The following CDC42 variants were observed in gnomAD, a reference collection of about 807,000 sequenced individuals.
CDC42 encodes the protein cell division control protein 42 homolog.
CDC42 carries 1 observed loss-of-function variant against 20.8 expected under a neutral mutation model. The ratio of observed to expected loss-of-function variants is 0.05; its 90% CI spans 0.02 to 0.23. The LOEUF (loss-of-function observed/expected upper bound fraction) is 0.23, where lower values mean the gene tolerates loss of function less well. CDC42 is among the 10% of genes least tolerant of loss of function. The pLI, the probability that CDC42 is intolerant of heterozygous loss-of-function variation, is 1.00. For synonymous variants in CDC42, 72 were observed against 84.8 expected (o/e 0.85, Z 0.83); for missense variants, 49 against 227.9 (o/e 0.21, Z 5.05).
intron 1 of CDC42, among the ~76,000 whole-genome samples, chr1:22,071,107 G>T (rs188264299): frequency 3.4e-4 from 50 of 146,520 alleles, no homozygotes; most frequent in Admixed American, 1.5e-3. Flanking sequence ...GCAGTGGCGC[G>T]GTCTCGGCTC....
chr1:22,071,279 C>G (rs1008962488), intron 1 of CDC42, among the ~76,000 whole-genome samples: 1 of 151,960 alleles, frequency 6.6e-6, no homozygotes, highest in African/African-American at 2.4e-5. Context: ...CTCCTGACCT[C>G]GTGATCCATC....
chr1:22,053,141 C>G (rs987729962), intron 1 of CDC42, among the ~76,000 whole-genome samples: 1 of 151,416 alleles, frequency 6.6e-6, no homozygotes, highest in East Asian at 1.9e-4. Flanking sequence ...CAGAGCGACT[C>G]GCGGGCGCTT....
chr1:22,072,723 C>T (rs957809862), intron 1 of CDC42, among the ~76,000 whole-genome samples: 3 of 152,116 alleles, frequency 2.0e-5, no homozygotes, highest in African/African-American at 4.8e-5. Context: ...ACTTTATTAA[C>T]ATAAATTCAG....
chr1:22,074,873 A>G (rs991976902), intron 1 of CDC42, among the ~76,000 whole-genome samples: 4 of 152,224 alleles, frequency 2.6e-5, no homozygotes, highest in African/African-American at 9.6e-5. Context: ...GCAAAGAACA[A>G]AGGGCCTATT....
intron 1 of CDC42, among the ~76,000 whole-genome samples, chr1:22,077,417 A>C (rs1459989802): frequency 6.6e-6 from 1 of 152,094 alleles, no homozygotes; most frequent in African/African-American, 2.4e-5. Flanking sequence ...GTGCTATAGG[A>C]GCATGGTGGC....
chr1:22,061,157 A>G (rs1645358271), intron 1 of CDC42, among the ~76,000 whole-genome samples: 1 of 152,214 alleles, frequency 6.6e-6, no homozygotes, highest in Admixed American at 6.5e-5. Flanking sequence ...CTGTAATCCC[A>G]GCACTTTGGG....
At chr1:22,070,681 G>A (rs1645477689) in intron 1 of CDC42, among the ~76,000 whole-genome samples, 1 of 151,784 alleles carries the variant, frequency 6.6e-6, no homozygotes, top group Non-Finnish European at 1.5e-5. Flanking sequence ...AGCCAGGCTG[G>A]TCTTGATCTC....
At position 22,086,903 on chromosome 1, in the gene CDC42, C is replaced by T. The variant is rs376342396; in HGVS notation, c.486+37C>T. On this transcript the variant is annotated intron_variant, in intron 5 of 5. Transcript: ENST00000656825. Reference sequence around the variant, plus strand: ...ATGAAACCCCATGTGTATTTATGGTCGAGTCATTTATTAGAGCATTAGGAT... The same window carrying T: ...ATGAAACCCCATGTGTATTTATGGTTGAGTCATTTATTAGAGCATTAGGAT... 5.0e-5 allele frequency: 77 copies of T among 1,541,048 alleles called. No individual in the cohort carries two copies. In the African/African-American group the frequency reaches 8.2e-4, roughly 16 times the overall value.
chr1:22,053,553 A>G (rs1441556790), intron 1 of CDC42: 1 of 152,062 alleles, frequency 6.6e-6, no homozygotes, highest in Non-Finnish European at 1.5e-5. Flanking sequence ...TGCTTGGTTA[A>G]TTCCTCTTAT....
At chr1:22,063,304 A>G (rs1454122198) in intron 1 of CDC42, among the ~76,000 whole-genome samples, 1 of 152,032 alleles carries the variant, frequency 6.6e-6, no homozygotes, top group African/African-American at 2.4e-5. Flanking sequence ...TTCTCCTTAT[A>G]ACCAGTAAAG....
At chr1:22,056,927 G>A (rs1478905789) in intron 1 of CDC42, among the ~76,000 whole-genome samples, 2 of 152,222 alleles carry the variant, frequency 1.3e-5, no homozygotes, top group African/African-American at 4.8e-5. Flanking sequence ...CTGTTGTTCT[G>A]TAATGCTTTA....
chr1:22,078,646 G>A, intron 2 of CDC42, 63 bp downstream of exon 2: 16 of 1,556,190 alleles, frequency 1.0e-5, no homozygotes, highest in Non-Finnish European at 1.2e-5. Flanking sequence ...TTTTGAAAAC[G>A]CTTTCTCTAT....
intron 1 of CDC42, among the ~76,000 whole-genome samples, chr1:22,065,854 G>A (rs1645417183): frequency 6.6e-6 from 1 of 152,034 alleles, no homozygotes; most frequent in South Asian, 2.1e-4. Context: ...CTCCTCCCGG[G>A]TTCAAGCGAT....
At chr1:22,074,035 A>C (rs1320603924) in intron 1 of CDC42, 1 of 152,200 alleles carries the variant, frequency 6.6e-6, no homozygotes, top group Non-Finnish European at 1.5e-5. Flanking sequence ...AAAAAGAGGT[A>C]GGATTCAGTT....
In CDC42 at chr1:22,096,624, T is replaced by C. The variant is rs1645760156; in HGVS notation, c.*5107T>C. Among the ~76,000 whole-genome samples, 1 of 152,228 alleles carries C rather than the reference T, an allele frequency of 6.6e-6. No homozygotes were observed. ...GGTAAGGACTTTGGTCTCAATAGCCTACAGGGTGCTTCATCCACTCACTGT... is the reference window on the plus strand; with the variant it reads ...GGTAAGGACTTTGGTCTCAATAGCCCACAGGGTGCTTCATCCACTCACTGT... On this transcript the variant is annotated 3_prime_UTR_variant, in exon 6 of 6. Transcript: ENST00000656825.
intron 1 of CDC42, among the ~76,000 whole-genome samples, chr1:22,057,684 C>G (rs548722390): frequency 1.3e-5 from 2 of 151,632 alleles, no homozygotes; most frequent in South Asian, 4.2e-4. Flanking sequence ...ATGTCTAGCC[C>G]AAAAACATTT....
intron 3 of CDC42, among the ~76,000 whole-genome samples, chr1:22,084,020 TCA>T (rs1449337993): frequency 1.3e-5 from 2 of 152,224 alleles, no homozygotes; most frequent in Non-Finnish European, 2.9e-5. Flanking sequence ...TATGAATATA[TCA>T]CAGTTTTGTT....
At chr1:22,082,875 A>ATTTTTTTTTTTTTTTTTTTTTTTTT (rs3036839) in intron 3 of CDC42, among the ~76,000 whole-genome samples, 11 of 140,208 alleles carry the variant, frequency 7.8e-5, no homozygotes, top group Non-Finnish European at 9.1e-5. Flanking sequence ...CACAGAGAAA[A>ATTTTTTTTTTTTTTTTTTTTTTTTT]TTTTTATTTT....
At chr1:22,090,242 C>A in intron 5 of CDC42, 1 of 1,239,886 alleles carries the variant, frequency 8.1e-7, no homozygotes, top group Non-Finnish European at 1.0e-6. Flanking sequence ...CTTGTTTTAA[C>A]GTTCTGCTGC....
Sources: allele counts gnomAD v4.1 joint callset (sites outside exome capture counted in the v4.1 genomes callset), GRCh38; gene constraint gnomAD v4.1.1; transcripts MANE v1.5; gene names NCBI Gene and HGNC (gene_info 2026-07-23, HGNC 2026-07-21).